WDR70: variants seen among roughly 807,000 people sequenced by gnomAD.
The protein encoded by WDR70 is WD repeat-containing protein 70.
In WDR70, 53 loss-of-function variants were observed where a neutral mutation model predicts 88.6. The observed-to-expected ratio is 0.60, with a 90% CI of 0.48 to 0.75. The LOEUF (loss-of-function observed/expected upper bound fraction) is 0.75, where lower values mean the gene tolerates loss of function less well. Among genes scored for constraint, WDR70 ranks in the 30% least tolerant of loss-of-function variants. WDR70 has a pLI of 0.00. For synonymous variants in WDR70, 280 were observed against 270.0 expected (o/e 1.04, Z -0.36); for missense variants, 610 against 823.2 (o/e 0.74, Z 3.17).
At chr5:37,721,258 TG>T (rs1414112747) in intron 14 of WDR70, 43 bp downstream of exon 14, 2 of 1,559,514 alleles carry the variant, frequency 1.3e-6, no homozygotes, top group African/African-American at 1.4e-5. Flanking sequence ...TGACAACAAC[TG>T]GGGGGAGGGA....
intron 10 of WDR70, among the ~76,000 whole-genome samples, chr5:37,689,088 G>A (rs915270671): frequency 2.0e-5 from 3 of 152,200 alleles, no homozygotes; most frequent in East Asian, 1.9e-4. Flanking sequence ...CACTGCTAGC[G>A]CAGCAGTCTG....
chr5:37,510,640 A>G (rs1740697013), intron 8 of WDR70, among the ~76,000 whole-genome samples: 1 of 152,192 alleles, frequency 6.6e-6, no homozygotes, highest in Admixed American at 6.5e-5. Context: ...TATTATCTAA[A>G]TCACATTTCA....
At chr5:37,632,943 C>T (rs1385940736) in intron 10 of WDR70, among the ~76,000 whole-genome samples, 1 of 152,114 alleles carries the variant, frequency 6.6e-6, no homozygotes, top group Admixed American at 6.5e-5. Flanking sequence ...ACTTTTTATA[C>T]CATGTCTTTA....
At chr5:37,699,398 T>TAC (rs780835202) in intron 11 of WDR70, among the ~76,000 whole-genome samples, 15 of 74,138 alleles carry the variant, frequency 2.0e-4, no homozygotes, top group South Asian at 1.3e-3. Context: ...TGTGTATATA[T>TAC]ATATACACAC....
intron 16 of WDR70, 76 bp downstream of exon 16, chr5:37,725,126 G>T: frequency 3.2e-6 from 4 of 1,261,878 alleles, no homozygotes; most frequent in Admixed American, 1.9e-5. Context: ...AATTGGGAAG[G>T]TCTTTTGGGC....
chr5:37,461,527 A>T (rs180738983), intron 7 of WDR70, among the ~76,000 whole-genome samples: 31 of 152,116 alleles, frequency 2.0e-4, no homozygotes, highest in African/African-American at 7.2e-4. Flanking sequence ...TCTGTTGCCC[A>T]GGCTGGAGTG....
chr5:37,717,401 T>C (rs1463152403), intron 13 of WDR70, among the ~76,000 whole-genome samples: 2 of 152,220 alleles, frequency 1.3e-5, no homozygotes, highest in African/African-American at 4.8e-5. Flanking sequence ...ATCTCATGTC[T>C]TGATGTTCCT....
chr5:37,551,768 GTTTTTTTTTT>G (rs1176757597), intron 9 of WDR70, among the ~76,000 whole-genome samples: 1 of 92,728 alleles, frequency 1.1e-5, no homozygotes, highest in Non-Finnish European at 2.0e-5. Context: ...TCATTGTTTA[GTTTTTTTTTT>G]TTTTTTTTTT....
chr5:37,502,970 G>T (rs1740449660), intron 8 of WDR70, among the ~76,000 whole-genome samples: 1 of 152,150 alleles, frequency 6.6e-6, no homozygotes, highest in Non-Finnish European at 1.5e-5. Context: ...AATTCAACAG[G>T]AGATTTGGCT....
At chr5:37,556,609 A>G (rs1742301148) in intron 9 of WDR70, among the ~76,000 whole-genome samples, 1 of 152,200 alleles carries the variant, frequency 6.6e-6, no homozygotes. Flanking sequence ...ATCTCTTTTT[A>G]ATGATTTTTT....
intron 10 of WDR70, among the ~76,000 whole-genome samples, chr5:37,687,603 A>G (rs1379286973): frequency 6.6e-6 from 1 of 152,176 alleles, no homozygotes; most frequent in Non-Finnish European, 1.5e-5. Context: ...AAATGAGGAG[A>G]CATAAACACG....
intron 7 of WDR70, among the ~76,000 whole-genome samples, chr5:37,445,646 A>G (rs1391908889): frequency 6.6e-6 from 1 of 152,236 alleles, no homozygotes; most frequent in Non-Finnish European, 1.5e-5. Context: ...TACGCAAATC[A>G]ATAAATGTAG....
intron 9 of WDR70, among the ~76,000 whole-genome samples, chr5:37,562,526 G>A (rs1742541529): frequency 1.3e-5 from 2 of 151,848 alleles, no homozygotes; most frequent in African/African-American, 4.8e-5. Flanking sequence ...CAATAGTGGA[G>A]GGAAGGTCAG....
intron 8 of WDR70, among the ~76,000 whole-genome samples, chr5:37,488,051 C>T (rs1039412226): frequency 2.0e-5 from 3 of 147,804 alleles, no homozygotes; most frequent in Admixed American, 2.0e-4. Flanking sequence ...TTCATTATAA[C>T]TGCTGAGTGT....
Position 37,626,044 on chromosome 5 carries a change from A to G in WDR70, c.1092+20806A>G, listed in dbSNP as rs528642103. Among the ~76,000 whole-genome samples the G allele has an allele frequency of 4.0e-5, 6 of 148,170 alleles. No homozygotes were observed. The South Asian group carries it at 1.3e-3, about 31-fold the overall frequency. ...TGTAGTAAAGTCGGTATGTTTTTCC[A>G]TATATAAGATCATGTCATCTGCAAA... On this transcript the variant is annotated intron_variant, in intron 10 of 17. Transcript: ENST00000265107.
At chr5:37,555,970 C>A (rs959124088) in intron 9 of WDR70, among the ~76,000 whole-genome samples, 6 of 152,138 alleles carry the variant, frequency 3.9e-5, no homozygotes, top group African/African-American at 1.4e-4. Context: ...CCACCAGCCT[C>A]AGCTTCCCAA....
intron 10 of WDR70, among the ~76,000 whole-genome samples, chr5:37,666,059 T>C (rs1306864340): frequency 1.3e-5 from 2 of 152,214 alleles, no homozygotes; most frequent in Non-Finnish European, 2.9e-5. Flanking sequence ...ATCGGCTCTC[T>C]TTGAAGGTCG....
chr5:37,540,709 A>G (rs1356170067), intron 9 of WDR70, among the ~76,000 whole-genome samples: 2 of 152,182 alleles, frequency 1.3e-5, no homozygotes, highest in African/African-American at 4.8e-5. Context: ...CATCTAAAGT[A>G]GTTAGAATTG....
intron 10 of WDR70, among the ~76,000 whole-genome samples, chr5:37,626,947 A>G (rs534383589): frequency 2.6e-5 from 4 of 151,956 alleles, no homozygotes; most frequent in East Asian, 1.9e-4. Flanking sequence ...TTGTATTTCT[A>G]TGGTGTCCAT....
Sources: gnomAD v4.1 joint callset for allele counts (sites outside exome capture counted in the v4.1 genomes callset) on GRCh38, gnomAD v4.1.1 for gene constraint, MANE v1.5 for transcripts, NCBI Gene and HGNC (gene_info 2026-07-23, HGNC 2026-07-21) for gene names.